Variants in MBTD1 observed in about 807,000 individuals in gnomAD.
MBTD1 encodes mbt domain containing 1.
A neutral mutation model predicts 87.8 loss-of-function variants in MBTD1; 24 were observed. That is an observed-to-expected ratio of 0.27 (90% CI 0.20 to 0.38). The LOEUF (loss-of-function observed/expected upper bound fraction) is 0.38. MBTD1 is among the 10% of genes least tolerant of loss of function. The pLI, the probability that MBTD1 is intolerant of heterozygous loss-of-function variation, is 1.00. For synonymous variants in MBTD1, 237 were observed against 248.6 expected (o/e 0.95, Z 0.44); for missense variants, 436 against 760.2 (o/e 0.57, Z 5.02).
Position 51,220,440 on chromosome 17 carries a change from C to T in MBTD1, c.178G>A (p.Val60Ile). Residue 60 changes from valine (V) to isoleucine (I), a missense_variant, in exon 4 of 17, where the codon GTT (valine) becomes ATT (isoleucine). Coordinates refer to ENST00000586178, the MANE Select transcript of MBTD1 (RefSeq NM_017643.3). ...GAGTAAAAAGCATCTCGGACGCCAA[C>T]CATCCCACACATCTCACAGGTAGCT... ...GMATCEMCGMVGVRDAFYSKT... is the reference protein window; with the variant it reads ...GMATCEMCGMIGVRDAFYSKT... The T allele has an allele frequency of 6.5e-7, 1 of 1,547,094 alleles. No individual in the cohort carries two copies. The highest frequency in any genetic ancestry group is 8.7e-7 in the Non-Finnish European group (1 of 1,143,666).
chr17:51,192,422 G>C, intron 15 of MBTD1, 142 bp from the exon 16 acceptor site: 1 of 666,366 alleles, frequency 1.5e-6, no homozygotes, highest in Admixed American at 3.0e-5. Flanking sequence ...AAGGGTACTT[G>C]TTCCTACAAA....
intron 2 of MBTD1, among the ~76,000 whole-genome samples, chr17:51,234,955 C>CA (rs2053751536): frequency 6.6e-6 from 1 of 152,132 alleles, no homozygotes; most frequent in Non-Finnish European, 1.5e-5. Context: ...CTTGGCCTCC[C>CA]AAAGTGCTGG....
chr17:51,227,085 A>T (rs2143749484), intron 2 of MBTD1, among the ~76,000 whole-genome samples: 1 of 152,132 alleles, frequency 6.6e-6, no homozygotes, highest in East Asian at 2.0e-4. Context: ...TACTAAAAAT[A>T]TAAAAAATTA....
chr17:51,257,159 ATATCT>A (rs1362063040), intron 2 of MBTD1, among the ~76,000 whole-genome samples: 14 of 152,236 alleles, frequency 9.2e-5, no homozygotes, highest in African/African-American at 2.9e-4. Context: ...GTTAGGAGAA[ATATCT>A]TAGCTTGTTT....
At chr17:51,241,421 C>A (rs924292651) in intron 2 of MBTD1, among the ~76,000 whole-genome samples, 4 of 152,136 alleles carry the variant, frequency 2.6e-5, no homozygotes, top group East Asian at 3.9e-4. Flanking sequence ...ATTTAGGATC[C>A]AATGATTCTT....
intron 2 of MBTD1, among the ~76,000 whole-genome samples, chr17:51,229,445 G>A (rs960788837): frequency 1.8e-4 from 27 of 151,902 alleles, no homozygotes; most frequent in Non-Finnish European, 1.6e-4. Flanking sequence ...TCCTAAGTTT[G>A]ACAAGATAAA....
intron 13 of MBTD1, among the ~76,000 whole-genome samples, chr17:51,194,522 T>C (rs2050974124): frequency 1.6e-5 from 2 of 124,228 alleles, no homozygotes. Context: ...AGAGGTGAGA[T>C]AGCACCCCTG....
At chr17:51,209,481 G>A in intron 6 of MBTD1, 1 of 471,076 alleles carries the variant, frequency 2.1e-6, no homozygotes, top group Non-Finnish European at 4.4e-6. Context: ...AAATCCAAAT[G>A]CTGAGGGGTC....
At chr17:51,260,413 C>T, upstream of MBTD1, 1 of 700,998 alleles carries the variant, frequency 1.4e-6, no homozygotes, top group Non-Finnish European at 2.3e-6. Context: ...CGGGGCGGGG[C>T]TGGGTAGGGG....
At chr17:51,182,834 T>G (rs952567467) in intron 16 of MBTD1, among the ~76,000 whole-genome samples, 1 of 152,254 alleles carries the variant, frequency 6.6e-6, no homozygotes. Context: ...CAGCAGAGTA[T>G]CTGGATAGGT....
At chr17:51,210,443 A>T (rs2052114369) in intron 6 of MBTD1, among the ~76,000 whole-genome samples, 1 of 152,080 alleles carries the variant, frequency 6.6e-6, no homozygotes, top group Non-Finnish European at 1.5e-5. Context: ...ATGTAAAAAG[A>T]TAGGAAGCAC....
In MBTD1 at chr17:51,217,506, A is replaced by C. The variant is rs929498099; in HGVS notation, c.404-90T>G. The C allele has an allele frequency of 1.2e-5, 7 of 604,570 alleles. No individual in the cohort carries two copies. The African/African-American group carries it at 1.2e-4, about 10-fold the overall frequency. 37.5% of individuals were successfully genotyped at this position (604,570 alleles called of 1,614,324 possible). ...TTGTTAAAATGTGTGAAAGGACATA[A>C]AATTAATTTATCCCATTTAAAGAAC... On this transcript the variant is annotated intron_variant, in intron 5 of 16. Transcript: ENST00000586178.
At chr17:51,181,562 CAGA>C (rs898221542) in intron 16 of MBTD1, among the ~76,000 whole-genome samples, 2 of 152,174 alleles carry the variant, frequency 1.3e-5, no homozygotes, top group African/African-American at 2.4e-5. Flanking sequence ...ATGACTGAGG[CAGA>C]AGGATTGCTG....
chr17:51,249,469 T>G (rs989558500), intron 2 of MBTD1: 1 of 152,248 alleles, frequency 6.6e-6, no homozygotes, highest in Non-Finnish European at 1.5e-5. Flanking sequence ...GTGAATTCTT[T>G]GTTGTGAATC....
chr17:51,237,185 A>G (rs1361214952), intron 2 of MBTD1, among the ~76,000 whole-genome samples: 2 of 151,160 alleles, frequency 1.3e-5, no homozygotes, highest in African/African-American at 2.4e-5. Context: ...AATCTCAGCT[A>G]CTCGGGAGGC....
At position 51,225,195 on chromosome 17, in the gene MBTD1, T is replaced by G. The variant is rs1253801404; in HGVS notation, c.-34A>C. ...AATCTCTTCTTTTCCTTTCAGATCG[T>G]GAAGAATGTTCAGTCTTTGAAGTAA... On this transcript the variant is annotated 5_prime_UTR_variant, in exon 3 of 17. Transcript: ENST00000586178. 1 of 1,516,680 alleles carries G rather than the reference T, an allele frequency of 6.6e-7. No homozygotes were observed. Among genetic ancestry groups the G allele is most frequent in the South Asian group, 1.3e-5 (1 of 78,318 alleles). The allele number at this position is 1,516,680 out of a possible 1,614,324, so 94.0% of individuals were successfully genotyped here.
chr17:51,201,969 A>G, intron 11 of MBTD1, 53 bp downstream of exon 11: 1 of 1,277,794 alleles, frequency 7.8e-7, no homozygotes, highest in Non-Finnish European at 1.1e-6. Context: ...AAAAACCCAC[A>G]ACCCTCTTTC....
intron 12 of MBTD1, among the ~76,000 whole-genome samples, chr17:51,197,019 TTATC>T (rs1052082802): frequency 1.0e-5 from 1 of 98,958 alleles, no homozygotes; most frequent in East Asian, 2.7e-4. Context: ...ATTTTTGTCT[TTATC>T]TATTATTATA....
intron 2 of MBTD1, among the ~76,000 whole-genome samples, chr17:51,228,578 GA>G (rs2053370033): frequency 1.4e-5 from 2 of 140,668 alleles, no homozygotes; most frequent in Non-Finnish European, 3.1e-5. Context: ...TGTGAGAAGT[GA>G]AAAGAAAATA....
Sources: gnomAD v4.1 joint callset for allele counts (sites outside exome capture counted in the v4.1 genomes callset) on GRCh38, gnomAD v4.1.1 for gene constraint, MANE v1.5 for transcripts, NCBI Gene and HGNC (gene_info 2026-07-23, HGNC 2026-07-21) for gene names.